DNAH9: variants seen among roughly 807,000 people sequenced by gnomAD.
DNAH9 encodes the protein DNAH9 variant protein.
DNAH9 carries 345 observed loss-of-function variants against 471.6 expected under a neutral mutation model. The observed-to-expected ratio is 0.73, with a 90% CI of 0.67 to 0.80. The LOEUF is 0.80. DNAH9 is among the 30% of genes least tolerant of loss of function. The pLI is 0.00. For synonymous variants in DNAH9, 2,093 were observed against 2,123.6 expected (o/e 0.99, Z 0.40); for missense variants, 5,407 against 5,609.2 (o/e 0.96, Z 1.15).
At chr17:11,891,148 G>C (rs1973037145) in intron 57 of DNAH9, among the ~76,000 whole-genome samples, 1 of 152,166 alleles carries the variant, frequency 6.6e-6, no homozygotes, top group Non-Finnish European at 1.5e-5. Context: ...GTGTAGTTCA[G>C]AAGATGTAAC....
chr17:11,812,262 G>T (rs1024879128), intron 45 of DNAH9, among the ~76,000 whole-genome samples: 2 of 150,960 alleles, frequency 1.3e-5, no homozygotes, highest in South Asian at 4.2e-4. Context: ...TCTGCCTCCA[G>T]ACTTCCAGCA....
At position 11,608,222 on chromosome 17, in the gene DNAH9, T is replaced by A. The variant is rs368617608; in HGVS notation, c.511T>A (p.Cys171Ser). The change falls in exon 2 of 69, where the codon TGT becomes AGT. Residue 171 changes from cysteine to serine, a missense_variant. Physicochemically the swap from Cys to Ser is moderately radical, Grantham distance 112. This residue lies in a region of DNAH9 where 767 missense variants were observed against 692.5 expected (regional missense o/e 1.11). Transcript: ENST00000262442. ...CAGGCGGCACGCCCACAGCCTCCAA[T>A]GTGACCTCTCAGTTATACTTGAGCA... ...DVRRHAHSLQ[C>S]DLSVILEQVK... 1.4e-5 allele frequency: 22 copies of A among 1,614,000 alleles called. No individual in the cohort carries two copies. The highest frequency in any genetic ancestry group is 1.5e-5 in the Non-Finnish European group (18 of 1,179,962).
In DNAH9 at chr17:11,834,619, C is replaced by T; in HGVS notation, c.9247-19C>T. On this transcript the variant is annotated intron_variant, in intron 48 of 68. Coordinates refer to ENST00000262442, the MANE Select transcript of DNAH9 (RefSeq NM_001372.4). ...CTCCAGTCACAACTCCTGATAAGTCCCGTGCTTCTCCAATGCAGGTGGATG... is the reference window on the plus strand; with the variant it reads ...CTCCAGTCACAACTCCTGATAAGTCTCGTGCTTCTCCAATGCAGGTGGATG... The T allele has an allele frequency of 1.2e-6, 2 of 1,613,356 alleles. No homozygotes were observed. Among genetic ancestry groups the T allele is most frequent in the Non-Finnish European group, 8.5e-7 (1 of 1,179,848 alleles).
intron 28 of DNAH9, among the ~76,000 whole-genome samples, chr17:11,737,619 T>C (rs61302401): frequency 0.072 from 10,979 of 152,224 alleles, 544 homozygotes; most frequent in South Asian, 0.12. Flanking sequence ...AAGCACCAGG[T>C]GTGACAATAA....
At chr17:11,719,008 C>CT (rs1157383027) in intron 26 of DNAH9, among the ~76,000 whole-genome samples, 2 of 152,102 alleles carry the variant, frequency 1.3e-5, no homozygotes, top group East Asian at 3.9e-4. Context: ...CCTAGTGTGT[C>CT]TGGCAGATGA....
chr17:11,832,430 G>A (rs58567684), intron 48 of DNAH9, among the ~76,000 whole-genome samples: 4,656 of 152,298 alleles, frequency 0.031, 242 homozygotes, highest in East Asian at 0.25. Flanking sequence ...GAGTGATTAT[G>A]CCGCTCAATC....
At chr17:11,748,871 C>T (rs1967017992) in intron 32 of DNAH9, among the ~76,000 whole-genome samples, 1 of 152,114 alleles carries the variant, frequency 6.6e-6, no homozygotes, top group African/African-American at 2.4e-5. Flanking sequence ...TGTCTGACCA[C>T]ATCCGGGTCA....
chr17:11,798,372 G>T (rs1196195220), intron 43 of DNAH9, among the ~76,000 whole-genome samples: 1 of 142,470 alleles, frequency 7.0e-6, no homozygotes, highest in African/African-American at 2.6e-5. Context: ...GGCCCAGGTT[G>T]CAGTGGGCCA....
chr17:11,963,667 T>TA (rs397857321), intron 68 of DNAH9, among the ~76,000 whole-genome samples: 68 of 151,508 alleles, frequency 4.5e-4, no homozygotes, highest in African/African-American at 1.6e-3. Flanking sequence ...AAATTTTTTT[T>TA]AAAAAAAAGA....
chr17:11,699,025 C>T (rs1005113478), intron 22 of DNAH9, among the ~76,000 whole-genome samples: 3 of 152,088 alleles, frequency 2.0e-5, no homozygotes, highest in Non-Finnish European at 4.4e-5. Flanking sequence ...CCAAGGGGGG[C>T]GGATCACGAG....
intron 61 of DNAH9, among the ~76,000 whole-genome samples, chr17:11,916,647 T>C (rs1173373258): frequency 6.6e-6 from 1 of 152,228 alleles, no homozygotes; most frequent in African/African-American, 2.4e-5. Flanking sequence ...AGTCTGTGTA[T>C]CACACAGTTC....
chr17:11,747,439 C>T, intron 31 of DNAH9, 117 bp from the exon 32 acceptor site: 1 of 740,132 alleles, frequency 1.4e-6, no homozygotes, highest in South Asian at 1.6e-5. Flanking sequence ...GGGTAGATAA[C>T]TCTTCCTCTG....
chr17:11,678,819 T>C (rs2074088819), intron 17 of DNAH9, among the ~76,000 whole-genome samples: 2 of 152,180 alleles, frequency 1.3e-5, no homozygotes, highest in South Asian at 4.1e-4. Context: ...TCTTCTCAAA[T>C]GTTGCTCTTG....
At chr17:11,821,652 A>C (rs1264971749) in intron 45 of DNAH9, among the ~76,000 whole-genome samples, 4 of 152,184 alleles carry the variant, frequency 2.6e-5, no homozygotes, top group Non-Finnish European at 5.9e-5. Flanking sequence ...TGAGCAAAAG[A>C]AAAAAAGACT....
chr17:11,843,888 T>TATATATATACAC (rs1188211391), intron 49 of DNAH9, among the ~76,000 whole-genome samples: 1 of 133,092 alleles, frequency 7.5e-6, no homozygotes, highest in African/African-American at 2.8e-5. Flanking sequence ...TATATATATA[T>TATATATATACAC]ATACACATAG....
intron 49 of DNAH9, among the ~76,000 whole-genome samples, chr17:11,846,968 C>T (rs550009347): frequency 6.6e-5 from 10 of 150,842 alleles, no homozygotes; most frequent in Admixed American, 5.3e-4. Context: ...AATTTGACTT[C>T]CTCTTTTCCT....
intron 34 of DNAH9, among the ~76,000 whole-genome samples, chr17:11,756,939 C>A (rs1185626771): frequency 6.6e-6 from 1 of 152,184 alleles, no homozygotes; most frequent in Admixed American, 6.5e-5. Flanking sequence ...GACCAAATAT[C>A]ACTGTTTATC....
chr17:11,967,092 A>G (rs1327829174), intron 68 of DNAH9, among the ~76,000 whole-genome samples: 1 of 151,326 alleles, frequency 6.6e-6, no homozygotes, highest in Non-Finnish European at 1.5e-5. Flanking sequence ...TGTTATGTAC[A>G]TTAGAATATT....
intron 61 of DNAH9, among the ~76,000 whole-genome samples, chr17:11,920,863 G>A (rs112808056): frequency 0.015 from 2,341 of 152,092 alleles, 53 homozygotes; most frequent in African/African-American, 0.053. Flanking sequence ...GTTTTTAGTC[G>A]GGTGCAATGG....
Sources: gnomAD v4.1 joint callset for allele counts (sites outside exome capture counted in the v4.1 genomes callset) on GRCh38, gnomAD v4.1.1 for gene constraint, gnomAD v4.1.1 regional missense constraint, MANE v1.5 for transcripts, NCBI Gene and HGNC (gene_info 2026-07-23, HGNC 2026-07-21) for gene names.